Variants in R3HDM2 observed in about 807,000 individuals in gnomAD.
The protein encoded by R3HDM2 is R3H domain containing 2.
A neutral mutation model predicts 124.5 loss-of-function variants in R3HDM2; 38 were observed. The observed-to-expected ratio is 0.31, with a 90% CI of 0.24 to 0.40. The LOEUF (loss-of-function observed/expected upper bound fraction) is 0.40. Among genes scored for constraint, R3HDM2 ranks in the 10% least tolerant of loss-of-function variants. The pLI is 1.00. For missense variants in R3HDM2, 869 were observed against 1,236.9 expected (o/e 0.70, Z 4.46); for synonymous variants, 391 against 448.0 (o/e 0.87, Z 1.61).
chr12:57,384,051 A>G (rs1278238576), intron 2 of R3HDM2, among the ~76,000 whole-genome samples: 1 of 152,148 alleles, frequency 6.6e-6, no homozygotes, highest in Non-Finnish European at 1.5e-5. Context: ...GATAAGTAAT[A>G]TTTAGCCAAA....
chr12:57,357,976 CT>C (rs1383034633), intron 2 of R3HDM2, among the ~76,000 whole-genome samples: 3 of 148,790 alleles, frequency 2.0e-5, no homozygotes, highest in Non-Finnish European at 4.5e-5. Flanking sequence ...TTACTCATTT[CT>C]TTTTTTCTTT....
At position 57,296,856 on chromosome 12, in the gene R3HDM2, G is replaced by A. The variant is rs535717857; in HGVS notation, c.561-305C>T. Reference sequence around the variant, plus strand: ...AGGCAGGCGGATCAATTGAGTTCAGGAGTTCAAGACCAGCCTGGTCAACAT... The same window carrying A: ...AGGCAGGCGGATCAATTGAGTTCAGAAGTTCAAGACCAGCCTGGTCAACAT... On this transcript the variant is annotated intron_variant, in intron 8 of 23. Transcript: ENST00000402412. This position sits in a 1 kb window ranked among gnomAD's most constrained non-coding sequence, Gnocchi z 4.5. 188 of 257,082 alleles carry A rather than the reference G, an allele frequency of 7.3e-4. No individual in the cohort carries two copies. The highest frequency in any genetic ancestry group is 4.1e-3 in the African/African-American group (184 of 44,806). The allele number at this position is 257,082 out of a possible 1,614,324, so 15.9% of individuals were successfully genotyped here. A position where few individuals can be genotyped will look rare whatever the true frequency, so the allele number is the denominator to read the frequency against.
chr12:57,317,809 T>C (rs1331459541), intron 2 of R3HDM2, among the ~76,000 whole-genome samples: 3 of 151,632 alleles, frequency 2.0e-5, no homozygotes, highest in Non-Finnish European at 2.9e-5. Flanking sequence ...ACCCCGTCTC[T>C]ACTAAAAATA....
chr12:57,421,003 C>T (rs1477428882), intron 1 of R3HDM2, among the ~76,000 whole-genome samples: 1 of 151,866 alleles, frequency 6.6e-6, no homozygotes, highest in Non-Finnish European at 1.5e-5. Context: ...TTCCTATATT[C>T]CCTAATTTAT....
chr12:57,330,920 G>A (rs1372625987), intron 2 of R3HDM2, among the ~76,000 whole-genome samples: 2 of 148,750 alleles, frequency 1.3e-5, no homozygotes, highest in Non-Finnish European at 3.0e-5. Flanking sequence ...AGATGGTCTC[G>A]ATCTCCTGAC....
At chr12:57,270,392 CTTATT>C (rs112865643) in intron 14 of R3HDM2, among the ~76,000 whole-genome samples, 14,533 of 148,602 alleles carry the variant, frequency 0.098, 967 homozygotes, top group African/African-American at 0.18. Context: ...CCGGCTAATT[CTTATT>C]TTGTTTTGTT....
At chr12:57,390,540 T>C (rs1202698829) in intron 2 of R3HDM2, among the ~76,000 whole-genome samples, 1 of 151,372 alleles carries the variant, frequency 6.6e-6, no homozygotes, top group Non-Finnish European at 1.5e-5. Flanking sequence ...TTACCAAAAA[T>C]AAAATAATTA....
intron 2 of R3HDM2, among the ~76,000 whole-genome samples, chr12:57,324,475 G>A (rs1054758052): frequency 5.9e-5 from 9 of 152,192 alleles, no homozygotes; most frequent in African/African-American, 1.9e-4. Flanking sequence ...AAGCCACTGC[G>A]CCTGGCTGAC....
chr12:57,372,567 C>A lies in R3HDM2; in HGVS notation c.-36+23182G>T, dbSNP rs1428275386. Among the ~76,000 whole-genome samples the A allele has an allele frequency of 2.0e-5, 3 of 152,026 alleles. No homozygotes were observed. The East Asian group carries it at 5.8e-4, about 29-fold the overall frequency. On this transcript the variant is annotated intron_variant, in intron 2 of 23. Coordinates refer to ENST00000402412, the MANE Select transcript of R3HDM2 (RefSeq NM_001394031.1). ...AATCAAATATTTTTCAGGAATTTGG[C>A]AAATCTGATAACAAGAGAGCTAATA...
chr12:57,411,797 T>C (rs1482326436), intron 1 of R3HDM2, among the ~76,000 whole-genome samples: 1 of 152,204 alleles, frequency 6.6e-6, no homozygotes, highest in African/African-American at 2.4e-5. Flanking sequence ...AACACCCCGA[T>C]ATGGTTAGGC....
intron 3 of R3HDM2, among the ~76,000 whole-genome samples, chr12:57,307,171 T>C (rs73340181): frequency 8.5e-5 from 13 of 152,360 alleles, no homozygotes; most frequent in African/African-American, 3.1e-4. Context: ...ACACATTATA[T>C]GTAATGAACG....
chr12:57,397,681 T>G (rs770885802), intron 1 of R3HDM2, among the ~76,000 whole-genome samples: 2 of 152,140 alleles, frequency 1.3e-5, no homozygotes, highest in Non-Finnish European at 2.9e-5. Context: ...TAATACCTTG[T>G]TCCCCCCTAT....
chr12:57,346,871 G>C (rs1442348734), intron 2 of R3HDM2, among the ~76,000 whole-genome samples: 2 of 152,202 alleles, frequency 1.3e-5, no homozygotes, highest in Admixed American at 6.5e-5. Flanking sequence ...ACAACATAAA[G>C]AGGGATACGA....
chr12:57,269,848 A>C lies in R3HDM2; in HGVS notation c.1491T>G (p.Gly497=), dbSNP rs1166376070. The change falls in exon 15 of 24, where the codon GGT becomes GGG. Residue 497 remains glycine, a synonymous_variant. Transcript: ENST00000402412. The stretch of plus-strand genomic sequence containing the variant: ...AATAGTTGGAAGTGGGGAGGGGCTG[A>C]CCCGTGGAAGCCATGATGAAGCTAG... The part of the protein sequence containing the change: ...QQTSFIMAST[G]QPLPTSNYST... The C allele has an allele frequency of 6.2e-7, 1 of 1,614,028 alleles. No homozygotes were observed. The highest frequency in any genetic ancestry group is 2.2e-5 in the East Asian group (1 of 44,874).
At chr12:57,322,315 TC>T (rs1330419894) in intron 2 of R3HDM2, among the ~76,000 whole-genome samples, 1 of 152,110 alleles carries the variant, frequency 6.6e-6, no homozygotes, top group East Asian at 1.9e-4. Flanking sequence ...ACCCAAAAAT[TC>T]CTTTAGGAAT....
chr12:57,418,619 T>C (rs1485358732), intron 1 of R3HDM2, among the ~76,000 whole-genome samples: 1 of 151,312 alleles, frequency 6.6e-6, no homozygotes, highest in Non-Finnish European at 1.5e-5. Context: ...AGTACAGTGG[T>C]GCGATCTCAG....
intron 19 of R3HDM2, among the ~76,000 whole-genome samples, chr12:57,259,424 C>T (rs2040093101): frequency 6.6e-6 from 1 of 152,224 alleles, no homozygotes; most frequent in South Asian, 2.1e-4. Flanking sequence ...GTCTGGGCCA[C>T]AGGCCAGGGC....
At chr12:57,392,816 T>A (rs2066903209) in intron 2 of R3HDM2, among the ~76,000 whole-genome samples, 1 of 150,826 alleles carries the variant, frequency 6.6e-6, no homozygotes, top group Non-Finnish European at 1.5e-5. Flanking sequence ...TTTTTTTTTT[T>A]TTTTTTTTGC....
chr12:57,374,865 G>A (rs1354793061), intron 2 of R3HDM2, among the ~76,000 whole-genome samples: 3 of 144,946 alleles, frequency 2.1e-5, no homozygotes, highest in African/African-American at 5.1e-5. Context: ...GCGTGGTGGC[G>A]GGCGCCTGTA....
Sources: allele counts gnomAD v4.1 joint callset (sites outside exome capture counted in the v4.1 genomes callset), GRCh38; gene constraint gnomAD v4.1.1; non-coding constraint Gnocchi (gnomAD v3.1); transcripts MANE v1.5; gene names NCBI Gene and HGNC (gene_info 2026-07-23, HGNC 2026-07-21).